Variants in ERCC6 observed in about 807,000 individuals in gnomAD.
ERCC6 encodes DNA excision repair protein ERCC-6.
ERCC6 carries 116 observed loss-of-function variants against 158.7 expected under a neutral mutation model. That is an observed-to-expected ratio of 0.73 (90% confidence interval 0.63 to 0.85). ERCC6 has a LOEUF of 0.85. Among genes scored for constraint, ERCC6 ranks in the 40% least tolerant of loss-of-function variants. The probability of loss-of-function intolerance (pLI) is 0.00; values close to 1 mark genes in which losing one functional copy is unlikely to be tolerated. For synonymous variants in ERCC6, 678 were observed against 659.3 expected, an observed-to-expected ratio of 1.03 and a Z score of -0.43; for missense variants, 1,698 against 1,799.4, an observed-to-expected ratio of 0.94 and a Z score of 1.02.
chr10:49,508,792 C>A (rs1055010443), intron 5 of ERCC6, among the ~76,000 whole-genome samples: 9 of 152,110 alleles, frequency 5.9e-5, no homozygotes, highest in Non-Finnish European at 8.8e-5. Context: ...AGCAGCACAG[C>A]TAAAGATGGG....
At chr10:49,473,127 G>T in intron 14 of ERCC6, 99 bp from the exon 15 acceptor site, 1 of 1,528,120 alleles carries the variant, frequency 6.5e-7, no homozygotes, top group African/African-American at 1.4e-5. Flanking sequence ...TTACTGGGCT[G>T]TTCCCAATAT....
At chr10:49,537,518 C>T (rs1336447572) in intron 1 of ERCC6, among the ~76,000 whole-genome samples, 2 of 151,584 alleles carry the variant, frequency 1.3e-5, no homozygotes, top group East Asian at 1.9e-4. Context: ...TACACACACA[C>T]ACACACACAC....
chr10:49,462,754 G>A (rs1280632932), intron 18 of ERCC6, among the ~76,000 whole-genome samples: 1 of 152,120 alleles, frequency 6.6e-6, no homozygotes, highest in Non-Finnish European at 1.5e-5. Flanking sequence ...GAAAATAACT[G>A]GAAATTAAAA....
intron 4 of ERCC6, among the ~76,000 whole-genome samples, chr10:49,526,107 T>TTTTATATA (rs1837320457): frequency 1.2e-5 from 1 of 80,560 alleles, no homozygotes; most frequent in Admixed American, 1.3e-4. Context: ...ATTTATATAT[T>TTTTATATA]TATATATTTT....
chr10:49,534,250 G>A (rs576171137), intron 1 of ERCC6, among the ~76,000 whole-genome samples: 14 of 151,934 alleles, frequency 9.2e-5, no homozygotes, highest in Admixed American at 2.6e-4. Context: ...TACAGACAAG[G>A]AGAAGGATCC....
intron 1 of ERCC6, among the ~76,000 whole-genome samples, chr10:49,535,001 G>A (rs893868281): frequency 3.3e-5 from 5 of 152,186 alleles, no homozygotes; most frequent in East Asian, 1.9e-4. Context: ...CACGAGCATC[G>A]AGCGAACTAT....
chr10:49,482,389 T>C (rs1018082000), intron 10 of ERCC6, among the ~76,000 whole-genome samples: 10 of 152,218 alleles, frequency 6.6e-5, no homozygotes, highest in Non-Finnish European at 4.4e-5. Flanking sequence ...TGACCACATG[T>C]GACATCTTTT....
intron 18 of ERCC6, 151 bp from the exon 19 acceptor site, chr10:49,461,707 G>C (rs1850586864): frequency 2.6e-6 from 2 of 782,806 alleles, no homozygotes; most frequent in South Asian, 3.3e-5. Flanking sequence ...AAAATAGTAA[G>C]ATAATTCAAG....
intron 1 of ERCC6, among the ~76,000 whole-genome samples, chr10:49,538,035 CAAGAA>C (rs1269170075): frequency 6.6e-6 from 1 of 152,210 alleles, no homozygotes; most frequent in African/African-American, 2.4e-5. Context: ...TGTGAAAATG[CAAGAA>C]GGCTGGAACA....
At position 49,474,014 on chromosome 10, in the gene ERCC6, T is replaced by C. The variant is rs1444945656; in HGVS notation, c.2598+13A>G. On this transcript the variant is annotated intron_variant, in intron 13 of 20. Transcript: ENST00000355832. ...GAACCAGCCTGTTTCCCGTCTGAAG[T>C]CTGTGCACTCACCTGCCTTGACTGA... 2.5e-6 allele frequency: 4 copies of C among 1,612,330 alleles called. No homozygotes were observed.
intron 5 of ERCC6, among the ~76,000 whole-genome samples, chr10:49,514,028 C>T (rs1393270650): frequency 6.6e-6 from 1 of 152,138 alleles, no homozygotes; most frequent in Non-Finnish European, 1.5e-5. Context: ...CCTAGTACCA[C>T]CCCTTTTCTC....
chr10:49,483,523 C>A lies in ERCC6; in HGVS notation c.1822-7G>T, dbSNP rs1851019380. The A allele has an allele frequency of 6.2e-7, 1 of 1,613,764 alleles. No homozygotes were observed. Among genetic ancestry groups the A allele is most frequent in the Non-Finnish European group, 8.5e-7 (1 of 1,179,856 alleles). ...CATCTCGAATTAGTTTCTCCTGAGA[C>A]CACAATAAAATGGTAAAGTCAGTTT... On this transcript the variant is annotated splice_region_variant and splice_polypyrimidine_tract_variant and intron_variant, in intron 8 of 20. Transcript: ENST00000355832.
In ERCC6 at chr10:49,458,068, C is replaced by T. The variant is rs372100122; in HGVS notation, c.*747G>A. On this transcript the variant is annotated 3_prime_UTR_variant, in exon 21 of 21. Transcript: ENST00000355832. Reference sequence around the variant, plus strand: ...CATGTGTGTGGTTTTTATGTACCTACTTTTGGCTTTAATTTGATTTTTTTT... The same window carrying T: ...CATGTGTGTGGTTTTTATGTACCTATTTTTGGCTTTAATTTGATTTTTTTT... The T allele has an allele frequency of 6.6e-6, 1 of 152,118 alleles. No homozygotes were observed. Among genetic ancestry groups the T allele is most frequent in the Non-Finnish European group, 1.5e-5 (1 of 68,056 alleles). The allele number at this position is 152,118 out of a possible 1,614,324, so 9.4% of individuals were successfully genotyped here. A position where few individuals can be genotyped will look rare whatever the true frequency, so the allele number is the denominator to read the frequency against.
rs1850755517 is a variant in ERCC6 at position 49,470,448 on chromosome 10, T to A, written c.3512A>T (p.Asn1171Ile). ...ATAAAAATTATTTTCCATTTGTTTA[T>A]TCTCCCAAAAAGCTTCTGTTTGAGC... ...SQAQTEAFWE[N>I]KQMENNFYKH... The change falls in exon 18 of 21, where the codon AAT (asparagine) becomes ATT (isoleucine). Residue 1171 changes from asparagine (N) to isoleucine (I), a missense_variant. By Grantham distance (149) the Asn-to-Ile change is moderately radical. Transcript: ENST00000355832. 1 of 1,614,134 alleles carries A rather than the reference T, an allele frequency of 6.2e-7. No homozygotes were observed. Among genetic ancestry groups the A allele is most frequent in the East Asian group, 2.2e-5 (1 of 44,880 alleles).
At chr10:49,464,569 T>C (rs1217666848) in intron 18 of ERCC6, among the ~76,000 whole-genome samples, 3 of 152,228 alleles carry the variant, frequency 2.0e-5, no homozygotes, top group Admixed American at 6.5e-5. Context: ...GAGACCTTCA[T>C]GGCAACCCCT....
chr10:49,485,950 G>C (rs1851069905), intron 8 of ERCC6, among the ~76,000 whole-genome samples: 1 of 152,068 alleles, frequency 6.6e-6, no homozygotes, highest in African/African-American at 2.4e-5. Flanking sequence ...AACCAGACTG[G>C]CACTGAAAGT....
At chr10:49,500,733 G>A (rs1192739163) in intron 6 of ERCC6, 37 bp from the exon 7 acceptor site, 25 of 1,607,524 alleles carry the variant, frequency 1.6e-5, no homozygotes, top group African/African-American at 2.7e-5. Context: ...AGAGAAAATG[G>A]CAAATGGTGG....
chr10:49,450,842 C>T (rs566039770), downstream of ERCC6, among the ~76,000 whole-genome samples: 4 of 150,458 alleles, frequency 2.7e-5, no homozygotes, highest in South Asian at 6.3e-4. Context: ...GATGGAGTCT[C>T]GCTTTGTCAC....
chr10:49,461,632 C>G, intron 18 of ERCC6, 76 bp from the exon 19 acceptor site: 1 of 1,443,866 alleles, frequency 6.9e-7, no homozygotes, highest in Non-Finnish European at 9.5e-7. Context: ...TGTATAAGTA[C>G]AGTACTGTAG....
Sources: gnomAD v4.1 joint callset for allele counts (sites outside exome capture counted in the v4.1 genomes callset) on GRCh38, gnomAD v4.1.1 for gene constraint, MANE v1.5 for transcripts, NCBI Gene and HGNC (gene_info 2026-07-23, HGNC 2026-07-21) for gene names.